Variants in DUSP8 observed in about 807,000 individuals in gnomAD.
DUSP8 encodes dual specificity phosphatase 8.
In DUSP8, 15 loss-of-function variants were observed where a neutral mutation model predicts 38.7. The ratio of observed to expected loss-of-function variants is 0.39; its 90% CI spans 0.26 to 0.60. The LOEUF is 0.60. Among genes scored for constraint, DUSP8 ranks in the 20% least tolerant of loss-of-function variants. The pLI is 0.56. For missense variants in DUSP8, 768 were observed against 915.0 expected (o/e 0.84, Z 2.07); for synonymous variants, 458 against 433.9 (o/e 1.06, Z -0.69).
At chr11:1,566,909 AG>A (rs141008726) in intron 1 of DUSP8, among the ~76,000 whole-genome samples, 3,902 of 152,182 alleles carry the variant, frequency 0.026, 80 homozygotes, top group Non-Finnish European at 0.04. Context: ...CTTGATGACA[AG>A]CCTGTCACTG....
In DUSP8 at chr11:1,568,470, T is replaced by A. The variant is rs115277124; in HGVS notation, c.-108-2536A>T. Among the ~76,000 whole-genome samples the A allele has an allele frequency of 5.3e-3, 800 of 152,184 alleles. 7 individuals are homozygous for A. The highest frequency in any genetic ancestry group is 0.019 in the African/African-American group (770 of 41,522). ...GAGCTGGGCCTATCACCCACAATAG[T>A]ATTGTTATTTGCAGCCGAAGGGGAT... On this transcript the variant is annotated intron_variant, in intron 1 of 6. Coordinates refer to ENST00000397374, the MANE Select transcript of DUSP8 (RefSeq NM_004420.3).
Position 1,563,877 on chromosome 11 carries a change from C to A in DUSP8, c.344G>T (p.Cys115Phe). Reference sequence around the variant, plus strand: ...AGTGAGGATGGCCACGCTGTCGAAGCAGCCGTCCAGCTTGCTCAGCAGGAT... The same window carrying A: ...AGTGAGGATGGCCACGCTGTCGAAGAAGCCGTCCAGCTTGCTCAGCAGGAT... ...LSILLSKLDG[C>F]FDSVAILTGG... is the part of the protein sequence containing the mutation. The change falls in exon 3 of 7, where the codon TGC becomes TTC. Residue 115 changes from cysteine to phenylalanine, a missense_variant. Physicochemically the swap from Cys to Phe is radical, Grantham distance 205. Transcript: ENST00000397374. The A allele has an allele frequency of 6.5e-7, 1 of 1,546,214 alleles. No individual in the cohort carries two copies.
In DUSP8 at chr11:1,556,381, TTAAA is replaced by T. The variant is rs1489147535; in HGVS notation, c.*133_*136del. 244 of 1,161,304 alleles carry T rather than the reference TTAAA, an allele frequency of 2.1e-4. No individual in the cohort carries two copies. The African/African-American group carries it at 3.3e-3, about 15-fold the overall frequency. 71.9% of individuals were successfully genotyped at this position (1,161,304 alleles called of 1,614,324 possible). A position where few individuals can be genotyped will look rare whatever the true frequency, so the allele number is the denominator to read the frequency against. On this transcript the variant is annotated 3_prime_UTR_variant, in exon 7 of 7. Coordinates refer to ENST00000397374, the MANE Select transcript of DUSP8 (RefSeq NM_004420.3). The surrounding 1 kb of genome is among the most constrained non-coding windows in gnomAD (Gnocchi z 5.2). ...CCAAATCATTGCCAGAATGAACAGCTTAAATAAATAAAAAATCGAAATATTTACT... is the reference window on the plus strand; with the variant it reads ...CCAAATCATTGCCAGAATGAACAGCTTAAATAAAAAATCGAAATATTTACT...
chr11:1,558,869 G>A lies in DUSP8; in HGVS notation c.537+20C>T, dbSNP rs765530231. The A allele has an allele frequency of 1.1e-5, 18 of 1,584,008 alleles. No individual in the cohort carries two copies. Among genetic ancestry groups the A allele is most frequent in the Non-Finnish European group, 1.3e-5 (15 of 1,161,566 alleles). On this transcript the variant is annotated intron_variant, in intron 4 of 6. Transcript: ENST00000397374. The surrounding 1 kb of genome is among the most constrained non-coding windows in gnomAD (Gnocchi z 6.3). ...GCCCCTTTCCCATTGACCACCCCCC[G>A]AACTCCACTGCACACACACCTTGTT... is the stretch of plus-strand genomic sequence containing the variant.
intron 3 of DUSP8, among the ~76,000 whole-genome samples, chr11:1,562,226 A>G (rs904850219): frequency 6.6e-6 from 1 of 152,122 alleles, no homozygotes; most frequent in African/African-American, 2.4e-5. Flanking sequence ...CTCGAGGGAG[A>G]CAGGCCCTTC....
At position 1,558,113 on chromosome 11, in the gene DUSP8, G is replaced by C; in HGVS notation, c.696C>G (p.Ile232Met). Residue 232 changes from isoleucine to methionine, a missense_variant and splice_region_variant, in exon 5 of 7, where the codon ATC (isoleucine) becomes ATG (methionine). Physicochemically the swap from Ile to Met is conservative, Grantham distance 10. Around this residue, in one of 3 missense-constraint regions of DUSP8, gnomAD observed 252 missense variants for 410.4 expected, o/e 0.61. Transcript: ENST00000397374. This position sits in a 1 kb window ranked among gnomAD's most constrained non-coding sequence, Gnocchi z 6.3. Reference sequence around the variant, plus strand: ...GCCCTCCGCCCACCGCAGACTCACCGATGAACTCGATGGACTTGTCCAGCC... The same window carrying C: ...GCCCTCCGCCCACCGCAGACTCACCCATGAACTCGATGGACTTGTCCAGCC... ...LPWLDKSIEFIDKAKLSSCQV... is the reference protein window; with the variant it reads ...LPWLDKSIEFMDKAKLSSCQV... 1.9e-6 allele frequency: 3 copies of C among 1,611,932 alleles called. No homozygotes were observed. The highest frequency in any genetic ancestry group is 2.5e-6 in the Non-Finnish European group (3 of 1,179,848).
In DUSP8 at chr11:1,556,701, C is replaced by T. The variant is rs1052729062; in HGVS notation, c.1695G>A (p.Glu565=). 7.1e-5 allele frequency: 90 copies of T among 1,264,560 alleles called. No homozygotes were observed. Among genetic ancestry groups the T allele is most frequent in the Admixed American group, 2.4e-4 (6 of 24,748 alleles). 78.3% of individuals were successfully genotyped at this position (1,264,560 alleles called of 1,614,324 possible). ...GCCAGCCGGTCCGCGCGTCCCGGGG[C>T]TCAGCCCTCGCTGCCTCCCGCCGCC... ...DLRRREAARA[E]PRDARTGWPE... The change falls in exon 7 of 7, where the codon GAG becomes GAA. Residue 565 remains glutamate (E), a synonymous_variant. Transcript: ENST00000397374. The surrounding 1 kb of genome is among the most constrained non-coding windows in gnomAD (Gnocchi z 5.2).
intron 3 of DUSP8, 97 bp from the exon 4 acceptor site, chr11:1,559,152 G>A: frequency 7.1e-6 from 9 of 1,267,412 alleles, no homozygotes; most frequent in South Asian, 1.4e-5. Context: ...ATCTACTGCT[G>A]AGGATCAGTC....
rs760007266 is a variant in DUSP8 at position 1,565,698 on chromosome 11, C to A, written c.129G>T (p.Val43=). ...AGCAGCAGATGTTGACGGAGCTGAG[C>A]ACATGCCAGCTGTTGTACTCCACGA... ...RSFVEYNSWH[V]LSSVNICCSK... is the part of the protein sequence containing the mutation. Residue 43 remains valine, a synonymous_variant, in exon 2 of 7, where the codon GTG becomes GTT. Coordinates refer to ENST00000397374, the MANE Select transcript of DUSP8 (RefSeq NM_004420.3). 8 of 1,611,840 alleles carry A rather than the reference C, an allele frequency of 5.0e-6. 1 individual carries two copies. In the South Asian group the frequency reaches 8.8e-5, roughly 18 times the overall value.
chr11:1,566,566 G>T (rs1232037752), intron 1 of DUSP8, among the ~76,000 whole-genome samples: 1 of 152,180 alleles, frequency 6.6e-6, no homozygotes, highest in Non-Finnish European at 1.5e-5. Context: ...AGGCACAGAG[G>T]CACGGCTCCT....
intron 2 of DUSP8, among the ~76,000 whole-genome samples, chr11:1,565,201 C>T (rs998654783): frequency 8.5e-5 from 13 of 152,188 alleles, no homozygotes; most frequent in Non-Finnish European, 1.5e-4. Context: ...GTCCCTGTCC[C>T]GTGTAGGCCA....
At chr11:1,561,259 C>T (rs974493224) in intron 3 of DUSP8, among the ~76,000 whole-genome samples, 5 of 152,188 alleles carry the variant, frequency 3.3e-5, no homozygotes, top group African/African-American at 1.2e-4. Flanking sequence ...TCTGGGGCAG[C>T]GCCTGCAGTT....
At chr11:1,563,700 G>A (rs117381330) in intron 3 of DUSP8, 151 bp downstream of exon 3, 10,667 of 757,392 alleles carry the variant, frequency 0.014, 106 homozygotes, top group Non-Finnish European at 0.017. Flanking sequence ...AAGTGTGGGC[G>A]TCCTGGGGAG....
rs1197036187 is a variant in DUSP8, at chr11:1,557,666, A to C, written c.822-92T>G. The C allele has an allele frequency of 4.5e-6, 7 of 1,552,508 alleles. No homozygotes were observed. The highest frequency in any genetic ancestry group is 6.1e-6 in the Non-Finnish European group (7 of 1,149,120). ...GGGCACCCACGAGCTCATGTGCGCC[A>C]GGCTGGTCTCAGGCCCTCCTCCCTT... is the stretch of plus-strand genomic sequence containing the variant. On this transcript the variant is annotated intron_variant, in intron 6 of 6. Coordinates refer to ENST00000397374, the MANE Select transcript of DUSP8 (RefSeq NM_004420.3). The surrounding 1 kb of genome is among the most constrained non-coding windows in gnomAD (Gnocchi z 9.9).
Position 1,559,060 on chromosome 11 carries a change from A to C in DUSP8, c.371-5T>G. Reference sequence around the variant, plus strand: ...AGGAGAAGGTGGCGAAGCCCCCTGTAGGAGGAGGGCCGTCAAGTGGGTTGA... The same window carrying C: ...AGGAGAAGGTGGCGAAGCCCCCTGTCGGAGGAGGGCCGTCAAGTGGGTTGA... On this transcript the variant is annotated splice_polypyrimidine_tract_variant and splice_region_variant and intron_variant, in intron 3 of 6. Coordinates refer to ENST00000397374, the MANE Select transcript of DUSP8 (RefSeq NM_004420.3). 6.2e-7 allele frequency: 1 copy of C among 1,608,612 alleles called. No individual in the cohort carries two copies. The highest frequency in any genetic ancestry group is 2.2e-5 in the East Asian group (1 of 44,772).
In DUSP8 at chr11:1,555,611, G is replaced by T; in HGVS notation, c.*907C>A. On this transcript the variant is annotated 3_prime_UTR_variant, in exon 7 of 7. Coordinates refer to ENST00000397374, the MANE Select transcript of DUSP8 (RefSeq NM_004420.3). ...CCAGGCGCCTCCTGCCTGACCCCCG[G>T]AGGCCAAGCTCCTCTCCTGCAATGG... 2.9e-6 allele frequency: 1 copy of T among 341,910 alleles called. No individual in the cohort carries two copies. Among genetic ancestry groups the T allele is most frequent in the Non-Finnish European group, 4.1e-6 (1 of 241,736 alleles). 21.2% of individuals were successfully genotyped at this position (341,910 alleles called of 1,614,324 possible). A position where few individuals can be genotyped will look rare whatever the true frequency, so the allele number is the denominator to read the frequency against.
intron 1 of DUSP8, 140 bp downstream of exon 1, chr11:1,571,761 C>T (rs1848902446): frequency 2.0e-5 from 3 of 151,088 alleles, no homozygotes; most frequent in Middle Eastern, 3.2e-3. Context: ...GCCGCTCATT[C>T]CGGGGCCGCC....
intron 1 of DUSP8, 147 bp from the exon 2 acceptor site, chr11:1,566,081 C>G (rs891746065): frequency 1.9e-6 from 1 of 529,194 alleles, no homozygotes; most frequent in Middle Eastern, 4.9e-4. Flanking sequence ...GGAGAGACCC[C>G]GTCCAGGTCA....
chr11:1,555,594 C>T lies in DUSP8; in HGVS notation c.*924G>A, dbSNP rs1848608976. ...GAGCCAGCACTGGCTAGCCAGGCGCCTCCTGCCTGACCCCCGGAGGCCAAG... is the reference window on the plus strand; with the variant it reads ...GAGCCAGCACTGGCTAGCCAGGCGCTTCCTGCCTGACCCCCGGAGGCCAAG... On this transcript the variant is annotated 3_prime_UTR_variant, in exon 7 of 7. Coordinates refer to ENST00000397374, the MANE Select transcript of DUSP8 (RefSeq NM_004420.3). 1.9e-6 allele frequency: 1 copy of T among 520,078 alleles called. No individual in the cohort carries two copies. Among genetic ancestry groups the T allele is most frequent in the Non-Finnish European group, 2.5e-6 (1 of 404,736 alleles). 32.2% of individuals were successfully genotyped at this position (520,078 alleles called of 1,614,324 possible).
Sources: gnomAD v4.1 joint callset for allele counts (sites outside exome capture counted in the v4.1 genomes callset) on GRCh38, gnomAD v4.1.1 for gene constraint, gnomAD v4.1.1 regional missense constraint, Gnocchi (gnomAD v3.1) non-coding constraint, MANE v1.5 for transcripts, NCBI Gene and HGNC (gene_info 2026-07-23, HGNC 2026-07-21) for gene names.